Variants in RAB9B observed in about 807,000 individuals in gnomAD.
RAB9B encodes ras-related protein Rab-9B.
Under a neutral mutation model 8.9 loss-of-function variants are expected in RAB9B, and 1 was observed. The ratio of observed to expected loss-of-function variants is 0.11; its 90% CI spans 0.04 to 0.53. The LOEUF (loss-of-function observed/expected upper bound fraction) is 0.53. Among genes scored for constraint, RAB9B ranks in the 20% least tolerant of loss-of-function variants. The probability of loss-of-function intolerance (pLI) is 0.93; values close to 1 mark genes in which losing one functional copy is unlikely to be tolerated. For missense variants in RAB9B, 82 were observed against 152.9 expected, an observed-to-expected ratio of 0.54 and a Z score of 2.45; for synonymous variants, 63 against 57.0, an observed-to-expected ratio of 1.10 and a Z score of -0.47.
chrX:103,809,796 C>CTT, the RAB9B span, among the ~76,000 whole-genome samples: 3 of 103,887 alleles, frequency 2.9e-5, no homozygotes, highest in African/African-American at 7.0e-5. Flanking sequence ...GGTATTCATT[C>CTT]TTTTTTTTTT....
At chrX:103,813,798 G>T in the RAB9B span, among the ~76,000 whole-genome samples, 1 of 86,285 alleles carries the variant, frequency 1.2e-5, no homozygotes, top group Non-Finnish European at 2.3e-5. Flanking sequence ...TGGTCTCTGA[G>T]AAAACAGACT....
chrX:103,821,812 C>A (rs2074662071), downstream of RAB9B, among the ~76,000 whole-genome samples: 1 of 111,392 alleles, frequency 9.0e-6, no homozygotes, highest in Non-Finnish European at 1.9e-5. Flanking sequence ...TTAGGGGGCA[C>A]AAGTGCAGTT....
the RAB9B span, chrX:103,790,387 G>A: frequency 1.4e-5 from 8 of 564,287 alleles, no homozygotes; most frequent in East Asian, 2.6e-4. Flanking sequence ...AGCCTGGGAT[G>A]TACTGCTTTT....
the RAB9B span, among the ~76,000 whole-genome samples, chrX:103,808,376 C>G: frequency 8.9e-6 from 1 of 112,073 alleles, no homozygotes. Context: ...AGCTACTGGT[C>G]TCTCATCAGA....
chrX:103,828,334 A>G (rs1168856838), intron 1 of RAB9B, among the ~76,000 whole-genome samples: 1 of 112,344 alleles, frequency 8.9e-6, no homozygotes, highest in Non-Finnish European at 1.9e-5. Context: ...CAAGTTTCCT[A>G]CAATTCCTAA....
chrX:103,800,933 T>C, the RAB9B span, among the ~76,000 whole-genome samples: 6 of 112,004 alleles, frequency 5.4e-5, no homozygotes, highest in Admixed American at 1.9e-4. Flanking sequence ...AATAAGACTT[T>C]AATGCAGTTC....
chrX:103,782,960 C>T, the RAB9B span, among the ~76,000 whole-genome samples: 29 of 112,269 alleles, frequency 2.6e-4, no homozygotes, highest in African/African-American at 9.1e-4. Flanking sequence ...TCTTCTCCCC[C>T]CATCCCCAGG....
chrX:103,819,944 C>A (rs1470818893), downstream of RAB9B, among the ~76,000 whole-genome samples: 1 of 112,386 alleles, frequency 8.9e-6, no homozygotes, highest in African/African-American at 3.2e-5. Flanking sequence ...AAGGTTATGG[C>A]ATTATAAGGA....
chrX:103,831,106 C>A (rs1194203340), intron 1 of RAB9B, among the ~76,000 whole-genome samples: 1 of 111,140 alleles, frequency 9.0e-6, no homozygotes, highest in African/African-American at 3.3e-5. Context: ...TGGCGACACA[C>A]TGGTAAGGGC....
the RAB9B span, among the ~76,000 whole-genome samples, chrX:103,810,331 G>T: frequency 9.0e-6 from 1 of 111,614 alleles, no homozygotes; most frequent in Non-Finnish European, 1.9e-5. Context: ...ATGCCTGTTG[G>T]CTTCTACTGC....
At chrX:103,827,755 C>T (rs1408992787) in intron 1 of RAB9B, among the ~76,000 whole-genome samples, 2 of 111,726 alleles carry the variant, frequency 1.8e-5, no homozygotes, top group African/African-American at 6.5e-5. Context: ...CAGCCTCGAC[C>T]TCCTGGGCTC....
chrX:103,827,841 A>C (rs754595522), intron 1 of RAB9B, among the ~76,000 whole-genome samples: 2 of 110,001 alleles, frequency 1.8e-5, no homozygotes, highest in East Asian at 5.7e-4. Context: ...TAAGTTTTGT[A>C]GTTTTTGTAG....
the RAB9B span, among the ~76,000 whole-genome samples, chrX:103,798,198 A>C: frequency 8.9e-6 from 1 of 112,546 alleles, no homozygotes; most frequent in East Asian, 2.7e-4. Flanking sequence ...CATTATATTC[A>C]TGTACTGCTG....
chrX:103,780,394 C>T, the RAB9B span: 1 of 110,413 alleles, frequency 9.1e-6, no homozygotes, highest in African/African-American at 3.3e-5. Flanking sequence ...CTTCCCAATG[C>T]TTGCACATAA....
chrX:103,812,860 T>G, the RAB9B span, among the ~76,000 whole-genome samples: 1 of 109,992 alleles, frequency 9.1e-6, no homozygotes, highest in African/African-American at 3.3e-5. Context: ...TCCTCCAAAC[T>G]ACAGTGTTAA....
At position 103,825,106 on chromosome X, in the gene RAB9B, C is replaced by G; in HGVS notation, c.*73G>C. ...CCTCTTGTGTGCGTGTGTGTGCACT[C>G]TTAGAGGGGCACAGTTATTCTTACA... On this transcript the variant is annotated 3_prime_UTR_variant, in exon 3 of 3. Coordinates refer to ENST00000243298, the MANE Select transcript of RAB9B (RefSeq NM_016370.4). The G allele has an allele frequency of 2.8e-6, 3 of 1,083,537 alleles. No individual in the cohort carries two copies. The highest frequency in any genetic ancestry group is 3.7e-6 in the Non-Finnish European group (3 of 801,756). The allele number at this position is 1,083,537 out of a possible 1,213,427, so 89.3% of individuals were successfully genotyped here.
chrX:103,791,598 T>C, the RAB9B span: 1 of 112,692 alleles, frequency 8.9e-6, no homozygotes, highest in African/African-American at 3.2e-5. Flanking sequence ...GCTCATTTCA[T>C]GGGGTATTAT....
chrX:103,809,793 ATTCT>A, the RAB9B span, among the ~76,000 whole-genome samples: 4 of 106,372 alleles, frequency 3.8e-5, 1 homozygote, highest in African/African-American at 1.4e-4. Flanking sequence ...TCAGGTATTC[ATTCT>A]TTTTTTTTTT....
intron 1 of RAB9B, among the ~76,000 whole-genome samples, chrX:103,831,314 T>C (rs750645443): frequency 9.3e-4 from 100 of 108,098 alleles, no homozygotes; most frequent in Non-Finnish European, 1.5e-3. Flanking sequence ...ACGCACTGGA[T>C]TCATTTTGCA....
Sources: gnomAD v4.1 joint callset for allele counts (sites outside exome capture counted in the v4.1 genomes callset) on GRCh38, gnomAD v4.1.1 for gene constraint, MANE v1.5 for transcripts, NCBI Gene and HGNC (gene_info 2026-07-23, HGNC 2026-07-21) for gene names.